The following IMMP2L variants were observed in gnomAD, a reference collection of about 807,000 sequenced individuals.
The protein encoded by IMMP2L is mitochondrial inner membrane protease subunit 2.
Under a neutral mutation model 19.3 loss-of-function variants are expected in IMMP2L, and 18 were observed. The observed-to-expected ratio is 0.93, with a 90% CI of 0.64 to 1.38. IMMP2L has a LOEUF of 1.38. Ranked by LOEUF, IMMP2L falls within the 40% of genes most tolerant of loss-of-function variation. IMMP2L has a pLI of 0.00. For synonymous variants in IMMP2L, 76 were observed against 73.0 expected (o/e 1.04, Z -0.21); for missense variants, 233 against 218.2 (o/e 1.07, Z -0.43).
intron 3 of IMMP2L, among the ~76,000 whole-genome samples, chr7:110,992,072 C>CATTG (rs1207813656): frequency 2.6e-5 from 4 of 152,224 alleles, no homozygotes; most frequent in Non-Finnish European, 5.9e-5. Flanking sequence ...TCATGTTTTT[C>CATTG]ATTGCATCAA....
chr7:111,089,535 TAAGAAGG>T (rs1563229934), intron 3 of IMMP2L, among the ~76,000 whole-genome samples: 2 of 151,938 alleles, frequency 1.3e-5, no homozygotes, highest in African/African-American at 4.8e-5. Flanking sequence ...AATTAAGGGG[TAAGAAGG>T]ATGATTATTA....
intron 5 of IMMP2L, among the ~76,000 whole-genome samples, chr7:110,717,776 C>T (rs1341221777): frequency 6.6e-6 from 1 of 152,082 alleles, no homozygotes; most frequent in African/African-American, 2.4e-5. Flanking sequence ...TGGTAGAACC[C>T]AGATTGAGAT....
At chr7:111,152,772 T>C (rs1259933996) in intron 3 of IMMP2L, among the ~76,000 whole-genome samples, 23 of 152,168 alleles carry the variant, frequency 1.5e-4, no homozygotes, top group Admixed American at 1.5e-3. Context: ...CTATTTACTT[T>C]CTTCTAATCC....
chr7:111,309,329 A>C (rs1823243860), intron 3 of IMMP2L, among the ~76,000 whole-genome samples: 1 of 152,154 alleles, frequency 6.6e-6, no homozygotes, highest in African/African-American at 2.4e-5. Flanking sequence ...TTTGGAAATA[A>C]ACAAAAATTT....
intron 5 of IMMP2L, among the ~76,000 whole-genome samples, chr7:110,733,791 CCCTCTGGCCCTT>C (rs1796436575): frequency 6.6e-6 from 1 of 151,940 alleles, no homozygotes; most frequent in Non-Finnish European, 1.5e-5. Context: ...CCCTTCTTCC[CCCTCTGGCCCTT>C]CCTCCATTAT....
At chr7:110,725,618 T>C (rs1584622713) in intron 5 of IMMP2L, 1 of 152,206 alleles carries the variant, frequency 6.6e-6, no homozygotes, top group East Asian at 1.9e-4. Context: ...ATGTCTACTA[T>C]GTTTAAGCAC....
chr7:110,767,454 C>T (rs138995560), intron 5 of IMMP2L, among the ~76,000 whole-genome samples: 1 of 152,210 alleles, frequency 6.6e-6, no homozygotes, highest in East Asian at 1.9e-4. Flanking sequence ...CACTCTCCAC[C>T]CTTTCCTCAG....
chr7:111,161,524 G>A lies in IMMP2L; in HGVS notation c.240-197959C>T, dbSNP rs557234924. 1.7e-4 allele frequency among the ~76,000 whole-genome samples: 26 copies of A among 151,916 alleles called. No individual in the cohort carries two copies. The South Asian group carries it at 5.2e-3, about 30-fold the overall frequency. On this transcript the variant is annotated intron_variant, in intron 3 of 5. Transcript: ENST00000405709. ...ATAGAAAAAAGTATCTGATAAAACT[G>A]ATTACTCAGTTATGGTTAAAAAAAT...
chr7:110,768,577 T>A (rs1040253854), intron 5 of IMMP2L, among the ~76,000 whole-genome samples: 1 of 152,158 alleles, frequency 6.6e-6, no homozygotes, highest in Non-Finnish European at 1.5e-5. Flanking sequence ...CAAATTTCCA[T>A]ACTCTTTCTC....
At chr7:110,768,093 C>T (rs1798786126) in intron 5 of IMMP2L, among the ~76,000 whole-genome samples, 1 of 152,020 alleles carries the variant, frequency 6.6e-6, no homozygotes, top group Non-Finnish European at 1.5e-5. Context: ...CTAATAGGTG[C>T]TGTAACTAAA....
chr7:111,347,989 G>A (rs1283474365), intron 3 of IMMP2L, among the ~76,000 whole-genome samples: 1 of 151,814 alleles, frequency 6.6e-6, no homozygotes, highest in Admixed American at 6.6e-5. Flanking sequence ...TCCTTTGTAG[G>A]GACATGGATG....
At chr7:111,029,705 G>A (rs1396572601) in intron 3 of IMMP2L, among the ~76,000 whole-genome samples, 3 of 152,092 alleles carry the variant, frequency 2.0e-5, no homozygotes, top group Non-Finnish European at 4.4e-5. Flanking sequence ...GTTATAGTTA[G>A]AAAACAAGGT....
At chr7:110,963,070 C>T (rs1276760176) in intron 4 of IMMP2L, 5 of 1,526,720 alleles carry the variant, frequency 3.3e-6, no homozygotes, top group East Asian at 2.5e-5. Flanking sequence ...GTTTCATATC[C>T]TTTTCAGTTT....
At chr7:111,209,810 G>A (rs1484483530) in intron 3 of IMMP2L, among the ~76,000 whole-genome samples, 1 of 152,062 alleles carries the variant, frequency 6.6e-6, no homozygotes, top group Non-Finnish European at 1.5e-5. Flanking sequence ...GAAAGAGGTG[G>A]GCAGGACACT....
At chr7:110,788,919 T>G (rs190152054) in intron 5 of IMMP2L, among the ~76,000 whole-genome samples, 1 of 151,758 alleles carries the variant, frequency 6.6e-6, no homozygotes. Flanking sequence ...AGTAAAGTTA[T>G]GTGATGTCTA....
chr7:111,151,307 A>G (rs967318898), intron 3 of IMMP2L, among the ~76,000 whole-genome samples: 2 of 152,212 alleles, frequency 1.3e-5, no homozygotes, highest in African/African-American at 4.8e-5. Context: ...AAGATCTAAC[A>G]ACCAGCTTAC....
intron 3 of IMMP2L, among the ~76,000 whole-genome samples, chr7:111,098,283 G>A (rs1388309276): frequency 6.6e-6 from 1 of 151,680 alleles, no homozygotes; most frequent in Non-Finnish European, 1.5e-5. Context: ...AAACACCACA[G>A]TTGTTGAAAG....
chr7:111,556,040 A>ATATATATATATATATATATATATAT (rs1264908580), intron 1 of IMMP2L, among the ~76,000 whole-genome samples: 2 of 139,398 alleles, frequency 1.4e-5, no homozygotes, highest in African/African-American at 2.5e-5. Context: ...ATATATACAT[A>ATATATATATATATATATATATATAT]CCCAAAGAAA....
chr7:111,437,581 T>C (rs1199340437), intron 3 of IMMP2L, among the ~76,000 whole-genome samples: 1 of 151,950 alleles, frequency 6.6e-6, no homozygotes, highest in African/African-American at 2.4e-5. Flanking sequence ...GTAAAATAAT[T>C]TTAATTATAC....
Sources: allele counts gnomAD v4.1 joint callset (sites outside exome capture counted in the v4.1 genomes callset), GRCh38; gene constraint gnomAD v4.1.1; transcripts MANE v1.5; gene names NCBI Gene and HGNC (gene_info 2026-07-23, HGNC 2026-07-21).